Variants in FRMD6 observed in about 807,000 individuals in gnomAD.
The protein encoded by FRMD6 is FERM domain containing 6.
Under a neutral mutation model 73.2 loss-of-function variants are expected in FRMD6, and 37 were observed. The ratio of observed to expected loss-of-function variants is 0.51; its 90% CI spans 0.39 to 0.66. The LOEUF is 0.66. Among genes scored for constraint, FRMD6 ranks in the 30% least tolerant of loss-of-function variants. FRMD6 has a pLI of 0.00. For synonymous variants in FRMD6, 273 were observed against 282.2 expected (o/e 0.97, Z 0.33); for missense variants, 714 against 780.5 (o/e 0.91, Z 1.02).
At chr14:51,705,827 T>C (rs1049946594) in intron 6 of FRMD6, among the ~76,000 whole-genome samples, 2 of 152,186 alleles carry the variant, frequency 1.3e-5, no homozygotes, top group Non-Finnish European at 2.9e-5. Context: ...TTTTGCTTTA[T>C]ATTGACACCA....
chr14:51,444,476 C>T, the FRMD6 span, among the ~76,000 whole-genome samples: 2 of 152,150 alleles, frequency 1.3e-5, no homozygotes, highest in Non-Finnish European at 2.9e-5. Context: ...CTCCTGTTTT[C>T]CCTGGACAGT....
chr14:51,530,855 C>A lies in FRMD6; in HGVS notation c.-209-39493C>A, dbSNP rs1300989387. Among the ~76,000 whole-genome samples the A allele has an allele frequency of 2.0e-5, 3 of 152,268 alleles. No individual in the cohort carries two copies. The East Asian group carries it at 5.8e-4, about 29-fold the overall frequency. On this transcript the variant is annotated intron_variant, in intron 1 of 14. Transcript: ENST00000356218. ...AGTTCAGCGTTCTGGCAGATACCAC[C>A]TTAACAAAGAGATTGTCTTGGTCCA...
the FRMD6 span, among the ~76,000 whole-genome samples, chr14:51,478,700 G>A: frequency 6.6e-6 from 1 of 152,140 alleles, no homozygotes; most frequent in Non-Finnish European, 1.5e-5. Flanking sequence ...TACTATTGCA[G>A]GAAAGAGAAT....
intron 1 of FRMD6, among the ~76,000 whole-genome samples, chr14:51,673,064 G>A (rs916730251): frequency 1.3e-5 from 2 of 152,168 alleles, no homozygotes; most frequent in African/African-American, 4.8e-5. Flanking sequence ...CTTCTATAGA[G>A]TTGGTTCAGG....
the FRMD6 span, among the ~76,000 whole-genome samples, chr14:51,459,660 C>T: frequency 4.5e-4 from 68 of 151,708 alleles, 1 homozygote; most frequent in African/African-American, 1.5e-3. Context: ...ACCCCGTCTC[C>T]ACTAAAAATA....
At chr14:51,471,072 C>G in the FRMD6 span, among the ~76,000 whole-genome samples, 1 of 152,146 alleles carries the variant, frequency 6.6e-6, no homozygotes, top group East Asian at 1.9e-4. Flanking sequence ...CTATGAATTG[C>G]TTACTAATGG....
chr14:51,467,083 T>A, the FRMD6 span, among the ~76,000 whole-genome samples: 49 of 152,120 alleles, frequency 3.2e-4, no homozygotes, highest in Admixed American at 5.9e-4. Context: ...TGAACAAAGG[T>A]CTCTGGTTTT....
Position 51,727,896 on chromosome 14 carries a change from A to T in FRMD6, c.1736A>T (p.Glu579Val). 1.2e-6 allele frequency: 2 copies of T among 1,614,204 alleles called. No individual in the cohort carries two copies. Among genetic ancestry groups the T allele is most frequent in the Non-Finnish European group, 1.7e-6 (2 of 1,180,024 alleles). The change falls in exon 14 of 14, where the codon GAG (glutamate) becomes GTG (valine). Residue 579 changes from glutamate to valine, a missense_variant. Physicochemically the swap from Glu to Val is moderately radical, Grantham distance 121. Coordinates refer to ENST00000344768, the MANE Select transcript of FRMD6 (RefSeq NM_001267046.2). ...YTFGCGHELD[E>V]EGLYCNSCLA... ...TTTGGATGTGGCCATGAACTGGATG[A>T]GGAAGGCCTCTATTGCAACAGTTGC...
rs3060587 is a variant in FRMD6, at chr14:51,585,939, G to GTATATATA, written c.-147+15544_-147+15551dup. On this transcript the variant is annotated intron_variant, in intron 2 of 14. Coordinates refer to the FRMD6 transcript ENST00000356218. ...TGCCATGGCATGTGTGTGTGTGTGT[G>GTATATATA]TATATATATATATATATATATAACA... Among the ~76,000 whole-genome samples, 110 of 31,410 alleles carry GTATATATA rather than the reference G, an allele frequency of 3.5e-3. 9 individuals are homozygous for GTATATATA. Among genetic ancestry groups the GTATATATA allele is most frequent in the African/African-American group, 6.8e-3 (100 of 14,634 alleles). 20.6% of individuals were successfully genotyped at this position (31,410 alleles called of 152,430 possible). A position where few individuals can be genotyped will look rare whatever the true frequency, so the allele number is the denominator to read the frequency against.
At chr14:51,607,600 T>G (rs955385327) in intron 2 of FRMD6, among the ~76,000 whole-genome samples, 7 of 152,278 alleles carry the variant, frequency 4.6e-5, no homozygotes, top group African/African-American at 7.2e-5. Flanking sequence ...TACCACTCGC[T>G]CCTCAGGGAT....
chr14:51,476,617 A>G, the FRMD6 span, among the ~76,000 whole-genome samples: 1 of 152,168 alleles, frequency 6.6e-6, no homozygotes, highest in Non-Finnish European at 1.5e-5. Context: ...CCCAAAGGGG[A>G]CCTATAAAAA....
intron 13 of FRMD6, 64 bp downstream of exon 13, chr14:51,725,934 C>A: frequency 1.7e-6 from 2 of 1,170,886 alleles, no homozygotes; most frequent in South Asian, 2.6e-5. Context: ...TAAGTAGTAA[C>A]TTACATTTAT....
intron 1 of FRMD6, chr14:51,565,342 G>A (rs1466857734): frequency 3.3e-5 from 5 of 152,338 alleles, no homozygotes; most frequent in East Asian, 3.9e-4. Context: ...TAACCCACTT[G>A]GGGGCAGCTG....
upstream of FRMD6, among the ~76,000 whole-genome samples, chr14:51,485,875 T>C (rs578204672): frequency 3.9e-5 from 6 of 152,220 alleles, no homozygotes; most frequent in Admixed American, 3.3e-4. Flanking sequence ...GCCCAGAGCA[T>C]TTTAACAACA....
chr14:51,554,271 T>C (rs1886999866), intron 1 of FRMD6, among the ~76,000 whole-genome samples: 1 of 152,058 alleles, frequency 6.6e-6, no homozygotes, highest in Non-Finnish European at 1.5e-5. Flanking sequence ...TATAAATAAA[T>C]GATTGAATAA....
chr14:51,561,270 A>G (rs1475036198), intron 1 of FRMD6, among the ~76,000 whole-genome samples: 1 of 152,196 alleles, frequency 6.6e-6, no homozygotes, highest in Non-Finnish European at 1.5e-5. Flanking sequence ...GACTATCAAT[A>G]TGGTCTTTCT....
intron 2 of FRMD6, among the ~76,000 whole-genome samples, chr14:51,621,103 A>C (rs1429504649): frequency 6.6e-6 from 1 of 152,122 alleles, no homozygotes; most frequent in Non-Finnish European, 1.5e-5. Flanking sequence ...GCCACTGTTT[A>C]TGTGCCCAAA....
At chr14:51,604,069 C>T (rs2139822383) in intron 2 of FRMD6, among the ~76,000 whole-genome samples, 1 of 152,128 alleles carries the variant, frequency 6.6e-6, no homozygotes, top group South Asian at 2.1e-4. Context: ...GAAAATGGAG[C>T]AGTTCAGAAG....
intron 10 of FRMD6, among the ~76,000 whole-genome samples, chr14:51,715,735 T>C (rs1003704623): frequency 4.6e-5 from 7 of 152,206 alleles, no homozygotes; most frequent in Non-Finnish European, 4.4e-5. Flanking sequence ...TAGCTATCTC[T>C]CAAGTACAGT....
Sources: gnomAD v4.1 joint callset for allele counts (sites outside exome capture counted in the v4.1 genomes callset) on GRCh38, gnomAD v4.1.1 for gene constraint, MANE v1.5 for transcripts, NCBI Gene and HGNC (gene_info 2026-07-23, HGNC 2026-07-21) for gene names.